Variants in CNTNAP2 observed in about 807,000 individuals in gnomAD.
The protein encoded by CNTNAP2 is contactin-associated protein-like 2.
A neutral mutation model predicts 155.2 loss-of-function variants in CNTNAP2; 98 were observed. The observed-to-expected ratio is 0.63, with a 90% CI of 0.54 to 0.75. The LOEUF (loss-of-function observed/expected upper bound fraction) is 0.75. Among genes scored for constraint, CNTNAP2 ranks in the 30% least tolerant of loss-of-function variants. The pLI is 0.00. For synonymous variants in CNTNAP2, 651 were observed against 631.2 expected, an observed-to-expected ratio of 1.03 and a Z score of -0.47; for missense variants, 1,727 against 1,688.1, an observed-to-expected ratio of 1.02 and a Z score of -0.40.
At chr7:146,948,476 C>G (rs569310278) in intron 3 of CNTNAP2, among the ~76,000 whole-genome samples, 3 of 152,096 alleles carry the variant, frequency 2.0e-5, no homozygotes, top group Admixed American at 1.3e-4. Flanking sequence ...AATATTATCT[C>G]TATACTTTTA....
At chr7:146,930,161 G>A (rs1020640991) in intron 3 of CNTNAP2, among the ~76,000 whole-genome samples, 5 of 152,106 alleles carry the variant, frequency 3.3e-5, no homozygotes, top group Admixed American at 1.3e-4. Flanking sequence ...TTGAAATGAA[G>A]GAAAAAATGT....
intron 8 of CNTNAP2, among the ~76,000 whole-genome samples, chr7:147,198,040 T>C (rs1315314113): frequency 6.6e-6 from 1 of 152,098 alleles, no homozygotes; most frequent in Admixed American, 6.6e-5. Context: ...TTTTTGAAAG[T>C]TCATGCCTAA....
intron 13 of CNTNAP2, among the ~76,000 whole-genome samples, chr7:147,706,418 AT>A (rs1012100982): frequency 6.8e-5 from 10 of 147,076 alleles, no homozygotes; most frequent in Non-Finnish European, 1.2e-4. Context: ...CTTGGGTGGC[AT>A]TTTTTTTTTC....
At chr7:146,879,565 C>T (rs1025564695) in intron 3 of CNTNAP2, among the ~76,000 whole-genome samples, 1 of 151,930 alleles carries the variant, frequency 6.6e-6, no homozygotes, top group Non-Finnish European at 1.5e-5. Flanking sequence ...TCATTTAAGT[C>T]TCATAACACT....
intron 2 of CNTNAP2, among the ~76,000 whole-genome samples, chr7:146,780,934 A>C (rs1802475075): frequency 6.6e-6 from 1 of 151,978 alleles, no homozygotes; most frequent in Admixed American, 6.6e-5. Flanking sequence ...GGGGCTTAAA[A>C]CCTAGATGAC....
intron 13 of CNTNAP2, among the ~76,000 whole-genome samples, chr7:147,841,077 A>C (rs937823839): frequency 6.6e-6 from 1 of 152,194 alleles, no homozygotes; most frequent in Non-Finnish European, 1.5e-5. Flanking sequence ...TAATCAATGT[A>C]TTAGAAAACT....
intron 1 of CNTNAP2, among the ~76,000 whole-genome samples, chr7:146,565,936 T>G (rs1798349926): frequency 6.6e-6 from 1 of 152,246 alleles, no homozygotes; most frequent in African/African-American, 2.4e-5. Context: ...CTTCTTGTTA[T>G]TTCAGTCTTC....
chr7:147,086,786 C>CT (rs1346464078), intron 4 of CNTNAP2, among the ~76,000 whole-genome samples: 1 of 152,156 alleles, frequency 6.6e-6, no homozygotes, highest in Admixed American at 6.6e-5. Context: ...ACATGTAGCA[C>CT]TTTCTCTAAC....
At chr7:147,083,580 A>ATATATATATACACATATATATG (rs1164014636) in intron 4 of CNTNAP2, among the ~76,000 whole-genome samples, 7 of 136,488 alleles carry the variant, frequency 5.1e-5, no homozygotes, top group African/African-American at 2.2e-4. Flanking sequence ...ATATATGTAT[A>ATATATATATACACATATATATG]TATATATACA....
chr7:148,043,712 T>G (rs1802718366), intron 15 of CNTNAP2, among the ~76,000 whole-genome samples: 1 of 152,244 alleles, frequency 6.6e-6, no homozygotes, highest in African/African-American at 2.4e-5. Context: ...GGAAAGTCTC[T>G]CGTATTTTCG....
At chr7:147,037,443 T>G (rs969091213) in intron 3 of CNTNAP2, among the ~76,000 whole-genome samples, 8 of 118,778 alleles carry the variant, frequency 6.7e-5, no homozygotes, top group African/African-American at 9.0e-5. Context: ...TCCAGTTTTG[T>G]TTTTTTTTTC....
intron 1 of CNTNAP2, among the ~76,000 whole-genome samples, chr7:146,761,651 T>A (rs893907169): frequency 1.3e-5 from 2 of 150,676 alleles, no homozygotes; most frequent in Non-Finnish European, 2.9e-5. Flanking sequence ...GTGAAATTGT[T>A]CTTATCATAC....
chr7:147,837,033 C>T (rs756706111), intron 13 of CNTNAP2, among the ~76,000 whole-genome samples: 27 of 152,116 alleles, frequency 1.8e-4, no homozygotes, highest in Admixed American at 9.2e-4. Flanking sequence ...CCATGCCATC[C>T]GAGTTCATGG....
chr7:148,109,612 G>A lies in CNTNAP2; in HGVS notation c.2384-8506G>A, dbSNP rs544963646. On this transcript the variant is annotated intron_variant, in intron 15 of 23. Coordinates refer to ENST00000361727, the MANE Select transcript of CNTNAP2 (RefSeq NM_014141.6). ...TTGGTCAGGCTGGTTTCAAACTCCC[G>A]ACCTCAGGTGATCTGCCCGCCTTGG... Among the ~76,000 whole-genome samples, 22 of 152,038 alleles carry A rather than the reference G, an allele frequency of 1.4e-4. No individual in the cohort carries two copies. The East Asian group carries it at 1.7e-3, about 12-fold the overall frequency.
chr7:147,452,415 G>A (rs1008672197), intron 10 of CNTNAP2, among the ~76,000 whole-genome samples: 14 of 152,138 alleles, frequency 9.2e-5, no homozygotes, highest in African/African-American at 3.4e-4. Context: ...TTATAGATGA[G>A]AAATGACCTT....
At chr7:147,605,560 C>T (rs902565299) in intron 12 of CNTNAP2, among the ~76,000 whole-genome samples, 2 of 152,062 alleles carry the variant, frequency 1.3e-5, no homozygotes, top group Non-Finnish European at 2.9e-5. Flanking sequence ...AGAATAGGTG[C>T]GAGTCTGAGT....
At chr7:146,708,469 CAAAT>C (rs1246946425) in intron 1 of CNTNAP2, among the ~76,000 whole-genome samples, 2 of 147,762 alleles carry the variant, frequency 1.4e-5, no homozygotes, top group Non-Finnish European at 3.0e-5. Flanking sequence ...TTAATTACTA[CAAAT>C]AAATGAGCTA....
intron 15 of CNTNAP2, among the ~76,000 whole-genome samples, chr7:148,053,372 T>C (rs1466033761): frequency 6.6e-6 from 1 of 152,214 alleles, no homozygotes; most frequent in Admixed American, 6.5e-5. Flanking sequence ...CTTACCTTTT[T>C]AAATCTAGGA....
At chr7:148,122,152 G>A (rs1019656977) in intron 16 of CNTNAP2, among the ~76,000 whole-genome samples, 6 of 152,170 alleles carry the variant, frequency 3.9e-5, no homozygotes, top group African/African-American at 7.2e-5. Context: ...TTTTACAAAC[G>A]AGGAAACTGA....
Sources: gnomAD v4.1 joint callset for allele counts (sites outside exome capture counted in the v4.1 genomes callset) on GRCh38, gnomAD v4.1.1 for gene constraint, MANE v1.5 for transcripts, NCBI Gene and HGNC (gene_info 2026-07-23, HGNC 2026-07-21) for gene names.